Variants in INTS3 observed in about 807,000 individuals in gnomAD.
INTS3 encodes the protein integrator complex subunit 3, also known as SOSS complex subunit A.
A neutral mutation model predicts 146.3 loss-of-function variants in INTS3; 34 were observed. The ratio of observed to expected loss-of-function variants is 0.23; its 90% CI spans 0.18 to 0.31. The LOEUF (loss-of-function observed/expected upper bound fraction) is 0.31. Among genes scored for constraint, INTS3 ranks in the 10% least tolerant of loss-of-function variants. The pLI, the probability that INTS3 is intolerant of heterozygous loss-of-function variation, is 1.00. For synonymous variants in INTS3, 475 were observed against 494.9 expected (o/e 0.96, Z 0.53); for missense variants, 757 against 1,304.2 (o/e 0.58, Z 6.46).
rs866685407 is a variant in INTS3 at position 153,765,080 on chromosome 1, T to C, written c.2090+17T>C. 1.2e-6 allele frequency: 2 copies of C among 1,613,992 alleles called. No homozygotes were observed. The highest frequency in any genetic ancestry group is 1.6e-4 in the Middle Eastern group (1 of 6,062). ...GAGGGCCAGGTGGGTATGGTCCCCA[T>C]GTTTCAAATGGTGTCAGGACACATC... On this transcript the variant is annotated intron_variant, in intron 20 of 29. Coordinates refer to ENST00000318967, the MANE Select transcript of INTS3 (RefSeq NM_023015.5).
chr1:153,741,421 AT>A lies in INTS3; in HGVS notation c.318+54del, dbSNP rs1484723569. On this transcript the variant is annotated intron_variant, in intron 3 of 29. Coordinates refer to ENST00000318967, the MANE Select transcript of INTS3 (RefSeq NM_023015.5). ...ACCCTCCTCATATATGATCTGGGAT[AT>A]GGTGGAACTTACAGTTTAACTGGGG... The A allele has an allele frequency of 3.1e-6, 4 of 1,307,652 alleles. No individual in the cohort carries two copies. In the African/African-American group the frequency reaches 4.4e-5, roughly 14 times the overall value. 81.0% of individuals were successfully genotyped at this position (1,307,652 alleles called of 1,614,324 possible). A position where few individuals can be genotyped will look rare whatever the true frequency, so the allele number is the denominator to read the frequency against.
intron 8 of INTS3, chr1:153,753,699 A>T (rs1570860432): frequency 7.6e-6 from 1 of 131,390 alleles, no homozygotes; most frequent in East Asian, 2.2e-4. Flanking sequence ...TCTGTCCCTC[A>T]GGCTGGTGTG....
chr1:153,754,614 TTTCTC>T lies in INTS3; in HGVS notation c.860-24_860-20del, dbSNP rs773770926. 2.0e-6 allele frequency: 3 copies of T among 1,492,500 alleles called. No homozygotes were observed. In the South Asian group the frequency reaches 3.4e-5, roughly 17 times the overall value. The allele number at this position is 1,492,500 out of a possible 1,614,324, so 92.5% of individuals were successfully genotyped here. ...TCTTTCTGGTCCTTAGGCTTCCTCTTTTCTCTTCCCTTCCACATTTGATTCAGGTA... is the reference window on the plus strand; with the variant it reads ...TCTTTCTGGTCCTTAGGCTTCCTCTTTTCCCTTCCACATTTGATTCAGGTA... On this transcript the variant is annotated intron_variant, in intron 8 of 29. Transcript: ENST00000318967.
At chr1:153,745,648 A>T (rs1671702974) in intron 3 of INTS3, among the ~76,000 whole-genome samples, 1 of 150,312 alleles carries the variant, frequency 6.7e-6, no homozygotes, top group Non-Finnish European at 1.5e-5. Flanking sequence ...CACAATAGAG[A>T]CAGAGTGAAA....
intron 5 of INTS3, 144 bp downstream of exon 5, chr1:153,747,507 A>C (rs1671794683): frequency 1.5e-6 from 1 of 671,124 alleles, no homozygotes; most frequent in African/African-American, 1.8e-5. Flanking sequence ...TCTTCTGGCC[A>C]CATATGTTGT....
At chr1:153,742,162 G>C (rs1248469518) in intron 3 of INTS3, among the ~76,000 whole-genome samples, 3 of 152,178 alleles carry the variant, frequency 2.0e-5, no homozygotes, top group Non-Finnish European at 4.4e-5. Flanking sequence ...TGATCTGTTT[G>C]TACTTCTGAT....
intron 16 of INTS3, 136 bp downstream of exon 16, chr1:153,763,498 G>A (rs576888901): frequency 3.1e-6 from 3 of 953,234 alleles, no homozygotes; most frequent in East Asian, 4.9e-5. Flanking sequence ...GAAGCTTCAT[G>A]AGGGAGTTCT....
At chr1:153,765,241 G>A (rs574423993) in intron 20 of INTS3, among the ~76,000 whole-genome samples, 178 bp downstream of exon 20, 94 of 152,208 alleles carry the variant, frequency 6.2e-4, no homozygotes, top group African/African-American at 2.2e-3. Context: ...ATGACACTGC[G>A]GCTCAGTGCA....
intron 3 of INTS3, among the ~76,000 whole-genome samples, chr1:153,744,779 G>A (rs553641687): frequency 1.1e-4 from 17 of 152,322 alleles, no homozygotes; most frequent in East Asian, 7.7e-4. Context: ...GCTCATGCCT[G>A]TAATCCCAGT....
chr1:153,772,454 C>T lies in INTS3; in HGVS notation c.2821+14C>T. ...CCAAGCAGAACTGTATGCCTTCCAC[C>T]CTCGGCGTCCAGTGTAGACGGTGCT... is the stretch of plus-strand genomic sequence containing the variant. On this transcript the variant is annotated intron_variant, in intron 27 of 29. Transcript: ENST00000318967. This position sits in a 1 kb window ranked among gnomAD's most constrained non-coding sequence, Gnocchi z 4.6. 1 of 1,614,176 alleles carries T rather than the reference C, an allele frequency of 6.2e-7. No individual in the cohort carries two copies. The highest frequency in any genetic ancestry group is 2.2e-5 in the East Asian group (1 of 44,874).
At chr1:153,735,919 G>A (rs1349185104) in intron 1 of INTS3, among the ~76,000 whole-genome samples, 1 of 152,038 alleles carries the variant, frequency 6.6e-6, no homozygotes, top group South Asian at 2.1e-4. Context: ...GATGGGGTTG[G>A]GGGGGTCTCT....
chr1:153,742,478 C>CTCTGTGTGTGTGTGTGTGTGTG (rs146023592), intron 3 of INTS3, among the ~76,000 whole-genome samples: 5 of 147,550 alleles, frequency 3.4e-5, no homozygotes, highest in African/African-American at 1.3e-4. Context: ...TTTTTAATCT[C>CTCTGTGTGTGTGTGTGTGTGTG]TGTGTGTGTG....
At chr1:153,770,802 G>A (rs894157493) in intron 25 of INTS3, 69 bp downstream of exon 25, 4 of 1,232,046 alleles carry the variant, frequency 3.2e-6, no homozygotes, top group Non-Finnish European at 4.8e-6. Flanking sequence ...GGTCTAAAGG[G>A]CTTCTGTCCT....
chr1:153,745,969 G>C (rs1188834959), intron 3 of INTS3, among the ~76,000 whole-genome samples: 1 of 152,142 alleles, frequency 6.6e-6, no homozygotes, highest in Non-Finnish European at 1.5e-5. Context: ...TCTGGGCGTG[G>C]TGGTGCATGC....
intron 3 of INTS3, 182 bp from the exon 4 acceptor site, chr1:153,746,775 A>G: frequency 1.8e-6 from 1 of 570,256 alleles, no homozygotes; most frequent in Non-Finnish European, 3.1e-6. Context: ...AACAAGGGAT[A>G]GGTTGGGAAT....
intron 3 of INTS3, among the ~76,000 whole-genome samples, chr1:153,744,963 T>C (rs992630145): frequency 4.6e-5 from 7 of 152,214 alleles, no homozygotes; most frequent in Admixed American, 1.3e-4. Context: ...TAATCTCTTA[T>C]GTCATCTGGG....
Position 153,769,843 on chromosome 1 carries a change from C to G in INTS3, c.2388C>G (p.Leu796=). 6.2e-7 allele frequency: 1 copy of G among 1,604,262 alleles called. No individual in the cohort carries two copies. Among genetic ancestry groups the G allele is most frequent in the South Asian group, 1.1e-5 (1 of 90,882 alleles). ...MFRKDSVLNI[L]IQSLDWETFE... The stretch of plus-strand genomic sequence containing the variant: ...GAAAAGACTCAGTTCTCAACATACT[C>G]AGTAAGTGATCAAATCTTTAGGTGC... The change falls in exon 23 of 30, where the codon CTC becomes CTG. Residue 796 remains leucine, a splice_region_variant and synonymous_variant. Coordinates refer to ENST00000318967, the MANE Select transcript of INTS3 (RefSeq NM_023015.5).
At chr1:153,769,734 C>T (rs1175992809) in intron 22 of INTS3, 35 bp from the exon 23 acceptor site, 7 of 1,466,464 alleles carry the variant, frequency 4.8e-6, no homozygotes, top group Non-Finnish European at 6.7e-6. Flanking sequence ...CCTTTCAGAG[C>T]TGATGGGTTC....
At chr1:153,736,483 G>A (rs1671297173) in intron 1 of INTS3, among the ~76,000 whole-genome samples, 1 of 147,750 alleles carries the variant, frequency 6.8e-6, no homozygotes, top group South Asian at 2.1e-4. Flanking sequence ...GTCTTGCTCT[G>A]TCACCCAGGC....
Sources: gnomAD v4.1 joint callset for allele counts (sites outside exome capture counted in the v4.1 genomes callset) on GRCh38, gnomAD v4.1.1 for gene constraint, Gnocchi (gnomAD v3.1) non-coding constraint, MANE v1.5 for transcripts, NCBI Gene and HGNC (gene_info 2026-07-23, HGNC 2026-07-21) for gene names.